YY1: variants seen among roughly 807,000 people sequenced by gnomAD.
YY1 encodes the protein YY1 transcription factor.
A neutral mutation model predicts 35.6 loss-of-function variants in YY1; 2 were observed. The ratio of observed to expected loss-of-function variants is 0.06; its 90% CI spans 0.02 to 0.18. The LOEUF is 0.18. YY1 is among the 10% of genes least tolerant of loss of function. The probability of loss-of-function intolerance (pLI) is 1.00; values close to 1 mark genes in which losing one functional copy is unlikely to be tolerated. For synonymous variants in YY1, 268 were observed against 238.9 expected, an observed-to-expected ratio of 1.12 and a Z score of -1.12; for missense variants, 322 against 573.4, an observed-to-expected ratio of 0.56 and a Z score of 4.48.
chr14:100,260,958 C>G (rs28595819), intron 1 of YY1, among the ~76,000 whole-genome samples: 1 of 150,970 alleles, frequency 6.6e-6, no homozygotes, highest in Admixed American at 6.6e-5. Flanking sequence ...CCATGCCTGG[C>G]TAATTTTAAT....
chr14:100,240,394 C>T (rs1890716958), intron 1 of YY1, among the ~76,000 whole-genome samples: 1 of 150,996 alleles, frequency 6.6e-6, no homozygotes, highest in Non-Finnish European at 1.5e-5. Flanking sequence ...GCGCCCCCGC[C>T]CCCGCCCGGC....
intron 1 of YY1, among the ~76,000 whole-genome samples, chr14:100,242,183 A>G (rs1890757161): frequency 6.6e-6 from 1 of 152,096 alleles, no homozygotes; most frequent in African/African-American, 2.4e-5. Flanking sequence ...CATGATCTGC[A>G]TTTTATCTTA....
Position 100,280,735 on chromosome 14 carries a change from T to G in YY1, c.*3135T>G, listed in dbSNP as rs537484445. 1 of 152,312 alleles carries G rather than the reference T, an allele frequency of 6.6e-6. No homozygotes were observed. The highest frequency in any genetic ancestry group is 6.5e-5 in the Admixed American group (1 of 15,298). 9.4% of individuals were successfully genotyped at this position (152,312 alleles called of 1,614,324 possible). Reference sequence around the variant, plus strand: ...TCCAAGCAGAGTTCAAGTTCATGTCTTCACAAGTAGATGAGAGTCACTTCC... The same window carrying G: ...TCCAAGCAGAGTTCAAGTTCATGTCGTCACAAGTAGATGAGAGTCACTTCC... On this transcript the variant is annotated 3_prime_UTR_variant, in exon 5 of 5. Transcript: ENST00000262238.
rs574381122 is a variant in YY1 at position 100,265,000 on chromosome 14, G to A, written c.842+2534G>A. Among the ~76,000 whole-genome samples the A allele has an allele frequency of 4.0e-3, 608 of 152,026 alleles. 4 individuals carry two copies. The highest frequency in any genetic ancestry group is 6.4e-3 in the Non-Finnish European group (433 of 67,988). ...TCTTGGGAGGCTGAGTGGGAGGATC[G>A]TTTGAACATGGGAGGTCAAAGCTGC... On this transcript the variant is annotated intron_variant, in intron 2 of 4. Transcript: ENST00000262238.
chr14:100,245,896 C>A (rs1028458156), intron 1 of YY1, among the ~76,000 whole-genome samples: 3 of 152,230 alleles, frequency 2.0e-5, no homozygotes, highest in Admixed American at 2.0e-4. Context: ...CGTGAGCCAC[C>A]GCGCCCAGCC....
In YY1 at chr14:100,276,736, C is replaced by T; in HGVS notation, c.1062+88C>T. 3.8e-6 allele frequency: 6 copies of T among 1,594,122 alleles called. No individual in the cohort carries two copies. Among genetic ancestry groups the T allele is most frequent in the Non-Finnish European group, 5.1e-6 (6 of 1,167,636 alleles). The stretch of plus-strand genomic sequence containing the variant: ...GGTGTGGTGATGAGGCAGGAGGCGC[C>T]AGCCCAGAGACTCAGGGTCTTATTA... On this transcript the variant is annotated intron_variant, in intron 4 of 4. Coordinates refer to ENST00000262238, the MANE Select transcript of YY1 (RefSeq NM_003403.5). This position sits in a 1 kb window ranked among gnomAD's most constrained non-coding sequence, Gnocchi z 4.1.
At chr14:100,245,741 G>A (rs907681338) in intron 1 of YY1, among the ~76,000 whole-genome samples, 1 of 151,936 alleles carries the variant, frequency 6.6e-6, no homozygotes, top group African/African-American at 2.4e-5. Context: ...CGAGTAACTG[G>A]GATTACAGAC....
chr14:100,252,723 C>CT (rs1444611300), intron 1 of YY1, among the ~76,000 whole-genome samples: 5 of 152,136 alleles, frequency 3.3e-5, no homozygotes, highest in African/African-American at 1.2e-4. Flanking sequence ...CAATTGTAAA[C>CT]TTAAGTTATA....
In YY1 at chr14:100,278,280, A is replaced by G. The variant is rs1293180328; in HGVS notation, c.*680A>G. 1.3e-5 allele frequency: 2 copies of G among 152,528 alleles called. No homozygotes were observed. Among genetic ancestry groups the G allele is most frequent in the Non-Finnish European group, 2.9e-5 (2 of 68,048 alleles). The allele number at this position is 152,528 out of a possible 1,614,324, so 9.4% of individuals were successfully genotyped here. On this transcript the variant is annotated 3_prime_UTR_variant, in exon 5 of 5. Transcript: ENST00000262238. ...AGATGTGATTTAATAGTGTTAATCA[A>G]TTTAAACCCATTTTAGTCACTTTTT...
intron 1 of YY1, among the ~76,000 whole-genome samples, chr14:100,241,225 A>G (rs1426475372): frequency 6.6e-6 from 1 of 152,240 alleles, no homozygotes; most frequent in East Asian, 1.9e-4. Flanking sequence ...GATTACGTTT[A>G]GTACTCCATA....
Position 100,276,248 on chromosome 14 carries a change from A to G in YY1, c.904-242A>G. The G allele has an allele frequency of 3.8e-6, 2 of 527,238 alleles. No homozygotes were observed. Among genetic ancestry groups the G allele is most frequent in the South Asian group, 2.0e-5 (1 of 48,998 alleles). 32.7% of individuals were successfully genotyped at this position (527,238 alleles called of 1,614,324 possible). On this transcript the variant is annotated intron_variant, in intron 3 of 4. Transcript: ENST00000262238. The surrounding 1 kb of genome is among the most constrained non-coding windows in gnomAD (Gnocchi z 4.1). ...TGTGACCTTGGGCAAGTCTACTTAA[A>G]GACATCTCTAAGCCTCAGTTTCCTC...
intron 2 of YY1, among the ~76,000 whole-genome samples, chr14:100,269,372 A>G (rs1471236729): frequency 6.6e-6 from 1 of 152,192 alleles, no homozygotes; most frequent in Non-Finnish European, 1.5e-5. Context: ...TGCAGCTAGT[A>G]GAAGTCACCT....
intron 2 of YY1, among the ~76,000 whole-genome samples, chr14:100,268,570 C>G (rs1265495896): frequency 2.0e-5 from 3 of 152,136 alleles, no homozygotes; most frequent in Admixed American, 1.3e-4. Context: ...TCACTACTTA[C>G]CCTGAGACTT....
chr14:100,274,473 C>CT lies in YY1; in HGVS notation c.843-225_843-224insT, dbSNP rs534841571. Reference sequence around the variant, plus strand: ...AGCTATGAGACTGTAGGCGGCAACTCGATGTTTCTAGCCTGAGCATCCTTA... The same window carrying CT: ...AGCTATGAGACTGTAGGCGGCAACTCTGATGTTTCTAGCCTGAGCATCCTTA... On this transcript the variant is annotated intron_variant, in intron 2 of 4. Transcript: ENST00000262238. Among the ~76,000 whole-genome samples the CT allele has an allele frequency of 1.4e-4, 22 of 152,254 alleles. No homozygotes were observed. The South Asian group carries it at 3.1e-3, about 22-fold the overall frequency.
intron 1 of YY1, among the ~76,000 whole-genome samples, chr14:100,241,903 G>A (rs1227485394): frequency 4.1e-5 from 6 of 147,574 alleles, no homozygotes; most frequent in African/African-American, 1.5e-4. Flanking sequence ...GAACCCAGGA[G>A]GCAGAGGTTA....
chr14:100,248,069 T>C (rs929592308), intron 1 of YY1, among the ~76,000 whole-genome samples: 1 of 151,320 alleles, frequency 6.6e-6, no homozygotes, highest in African/African-American at 2.4e-5. Context: ...CTCAGCCTCC[T>C]GAGTAGCTGG....
intron 1 of YY1, among the ~76,000 whole-genome samples, chr14:100,241,329 A>G (rs1233695497): frequency 6.6e-6 from 1 of 152,246 alleles, no homozygotes; most frequent in Non-Finnish European, 1.5e-5. Flanking sequence ...TTTGAGTATT[A>G]AAAGATCGTT....
chr14:100,274,779 A>G, intron 3 of YY1, 21 bp downstream of exon 3: 15 of 1,607,480 alleles, frequency 9.3e-6, no homozygotes, highest in Non-Finnish European at 1.2e-5. Flanking sequence ...CTAGAGGGAG[A>G]GTGTTCATTA....
intron 2 of YY1, among the ~76,000 whole-genome samples, chr14:100,272,267 G>C (rs1269808499): frequency 2.0e-5 from 3 of 148,820 alleles, no homozygotes; most frequent in African/African-American, 7.5e-5. Flanking sequence ...CTGCACTCCA[G>C]CCTGGGTGAC....
Sources: allele counts gnomAD v4.1 joint callset (sites outside exome capture counted in the v4.1 genomes callset), GRCh38; gene constraint gnomAD v4.1.1; non-coding constraint Gnocchi (gnomAD v3.1); transcripts MANE v1.5; gene names NCBI Gene and HGNC (gene_info 2026-07-23, HGNC 2026-07-21).